RORA: variants seen among roughly 807,000 people sequenced by gnomAD.
RORA encodes the protein RAR related orphan receptor A.
RORA carries 7 observed loss-of-function variants against 69.5 expected under a neutral mutation model. That is an observed-to-expected ratio of 0.10 (90% CI 0.06 to 0.19). The LOEUF (loss-of-function observed/expected upper bound fraction) is 0.19. RORA is among the 10% of genes least tolerant of loss of function. RORA has a pLI of 1.00. For missense variants in RORA, 457 were observed against 663.0 expected, an observed-to-expected ratio of 0.69 and a Z score of 3.41; for synonymous variants, 261 against 240.8, an observed-to-expected ratio of 1.08 and a Z score of -0.78.
At chr15:60,823,706 A>G (rs2072923235) in intron 1 of RORA, among the ~76,000 whole-genome samples, 1 of 152,250 alleles carries the variant, frequency 6.6e-6, no homozygotes, top group African/African-American at 2.4e-5. Flanking sequence ...AGTTTAGCTT[A>G]CTGGAGTAGG....
intron 1 of RORA, among the ~76,000 whole-genome samples, chr15:60,974,930 C>G (rs1409139650): frequency 6.6e-6 from 1 of 152,182 alleles, no homozygotes; most frequent in East Asian, 1.9e-4. Context: ...GCTGGCACAT[C>G]TGGGGAAGGG....
intron 1 of RORA, among the ~76,000 whole-genome samples, chr15:60,966,360 C>T (rs1297187922): frequency 6.6e-6 from 1 of 152,224 alleles, no homozygotes; most frequent in Non-Finnish European, 1.5e-5. Flanking sequence ...ACTCTCTAGA[C>T]ATGGCTTTCT....
At chr15:60,512,926 C>CAAA (rs1289333765) in intron 4 of RORA, among the ~76,000 whole-genome samples, 1 of 152,154 alleles carries the variant, frequency 6.6e-6, no homozygotes, top group Non-Finnish European at 1.5e-5. Flanking sequence ...CAGCTAGACT[C>CAAA]AGTCTTTGCT....
intron 1 of RORA, among the ~76,000 whole-genome samples, chr15:60,837,303 A>T (rs1344182144): frequency 6.6e-6 from 1 of 152,202 alleles, no homozygotes; most frequent in Non-Finnish European, 1.5e-5. Context: ...AATTAGAAAA[A>T]GCAACTGACT....
At chr15:60,656,615 AC>A (rs747442631) in intron 2 of RORA, among the ~76,000 whole-genome samples, 11 of 152,184 alleles carry the variant, frequency 7.2e-5, no homozygotes, top group Non-Finnish European at 1.3e-4. Context: ...TTGGAATATA[AC>A]TTAGTTAAGG....
intron 2 of RORA, among the ~76,000 whole-genome samples, chr15:60,561,486 A>G (rs1310280185): frequency 6.6e-6 from 1 of 152,044 alleles, no homozygotes; most frequent in African/African-American, 2.4e-5. Context: ...AAACTCTTTA[A>G]CTCTGAAACT....
chr15:60,897,209 C>A (rs1405899875), intron 1 of RORA, among the ~76,000 whole-genome samples: 1 of 152,182 alleles, frequency 6.6e-6, no homozygotes, highest in Non-Finnish European at 1.5e-5. Context: ...CCATCTTCTG[C>A]CACTTCACTC....
intron 2 of RORA, 121 bp downstream of exon 2, chr15:60,678,536 C>T: frequency 2.6e-6 from 2 of 777,982 alleles, no homozygotes; most frequent in South Asian, 1.6e-5. Flanking sequence ...AAAAAATGAC[C>T]TCTGTTGACC....
chr15:60,558,884 C>T (rs1005392009), intron 2 of RORA, among the ~76,000 whole-genome samples: 9 of 152,212 alleles, frequency 5.9e-5, no homozygotes, highest in Non-Finnish European at 1.2e-4. Flanking sequence ...GTATCTAAAA[C>T]GGTTCCCTTT....
intron 2 of RORA, chr15:60,593,587 G>A (rs927384670): frequency 2.6e-5 from 4 of 152,132 alleles, no homozygotes; most frequent in African/African-American, 9.7e-5. Context: ...TCTTTACAAT[G>A]AATTTCAGAT....
At chr15:61,036,026 G>C (rs1896442076) in intron 1 of RORA, among the ~76,000 whole-genome samples, 1 of 152,324 alleles carries the variant, frequency 6.6e-6, no homozygotes, top group Non-Finnish European at 1.5e-5. Flanking sequence ...GAGCTTTCAA[G>C]AGACAGTCTA....
chr15:61,032,935 C>T (rs1222929632), intron 1 of RORA, among the ~76,000 whole-genome samples: 1 of 152,134 alleles, frequency 6.6e-6, no homozygotes, highest in African/African-American at 2.4e-5. Flanking sequence ...TATTGACTGC[C>T]TACTATGTGT....
chr15:60,634,296 A>T (rs1436196041), intron 2 of RORA, among the ~76,000 whole-genome samples: 1 of 152,062 alleles, frequency 6.6e-6, no homozygotes, highest in Non-Finnish European at 1.5e-5. Context: ...TAGTACTTGC[A>T]CTTTCCCACA....
In RORA at chr15:61,002,530, A is replaced by G. The variant is rs975654939; in HGVS notation, c.166+226523T>C. ...TCTTGCTCAGTGTTAAAACAATACC[A>G]TATAAAAATATTAAAGGGATTGTAT... On this transcript the variant is annotated intron_variant, in intron 1 of 10. Coordinates refer to ENST00000335670, the MANE Select transcript of RORA (RefSeq NM_134261.3). Among the ~76,000 whole-genome samples, 3 of 152,338 alleles carry G rather than the reference A, an allele frequency of 2.0e-5. No individual in the cohort carries two copies. The East Asian group carries it at 5.8e-4, about 29-fold the overall frequency.
rs1566935682 is a variant in RORA, at chr15:60,990,970, C to CTA, written c.166+238081_166+238082dup. 2.0e-5 allele frequency among the ~76,000 whole-genome samples: 3 copies of CTA among 152,168 alleles called. No homozygotes were observed. In the South Asian group the frequency reaches 6.2e-4, roughly 32 times the overall value. On this transcript the variant is annotated intron_variant, in intron 1 of 10. Transcript: ENST00000335670. ...TCACCAAATCCCAAGTAATCTTTAT[C>CTA]TATATGTCATGTCTATTAAAAAAGC...
Position 60,996,907 on chromosome 15 carries a change from T to TA in RORA, c.166+232145dup, listed in dbSNP as rs796945985. Among the ~76,000 whole-genome samples, 925 of 142,364 alleles carry TA rather than the reference T, an allele frequency of 6.5e-3. 12 individuals carry two copies. Among genetic ancestry groups the TA allele is most frequent in the African/African-American group, 0.02 (793 of 38,794 alleles). 93.4% of individuals were successfully genotyped at this position (142,364 alleles called of 152,430 possible). ...CCTGGGAGACAGGGAGACTACGTCTTAAAAAAAAAAAAAGAGTATCTTCAA... is the reference window on the plus strand; with the variant it reads ...CCTGGGAGACAGGGAGACTACGTCTTAAAAAAAAAAAAAAGAGTATCTTCAA... On this transcript the variant is annotated intron_variant, in intron 1 of 10. Transcript: ENST00000335670.
At chr15:60,675,901 C>T (rs1255596848) in intron 2 of RORA, among the ~76,000 whole-genome samples, 1 of 152,084 alleles carries the variant, frequency 6.6e-6, no homozygotes, top group Non-Finnish European at 1.5e-5. Flanking sequence ...TCCGTGAGGG[C>T]AGTTAGGAAA....
intron 1 of RORA, among the ~76,000 whole-genome samples, chr15:61,076,362 T>A (rs1345549936): frequency 7.9e-5 from 12 of 151,248 alleles, no homozygotes; most frequent in Admixed American, 7.9e-4. Context: ...AGAGCAGAGA[T>A]ACTTATTGAG....
intron 1 of RORA, among the ~76,000 whole-genome samples, chr15:60,862,027 T>C (rs1292439318): frequency 6.6e-6 from 1 of 152,276 alleles, no homozygotes; most frequent in Non-Finnish European, 1.5e-5. Flanking sequence ...ATATTCACTC[T>C]AGATTTTATC....
Sources: allele counts gnomAD v4.1 joint callset (sites outside exome capture counted in the v4.1 genomes callset), GRCh38; gene constraint gnomAD v4.1.1; transcripts MANE v1.5; gene names NCBI Gene and HGNC (gene_info 2026-07-23, HGNC 2026-07-21).